Variants in RAE1 observed in about 807,000 individuals in gnomAD.
RAE1 encodes ribonucleic acid export 1.
Under a neutral mutation model 52.7 loss-of-function variants are expected in RAE1, and 13 were observed. The observed-to-expected ratio is 0.25, with a 90% CI of 0.16 to 0.39. RAE1 has a LOEUF of 0.39. Among genes scored for constraint, RAE1 ranks in the 10% least tolerant of loss-of-function variants. The probability of loss-of-function intolerance (pLI) is 1.00; values close to 1 mark genes in which losing one functional copy is unlikely to be tolerated. For synonymous variants in RAE1, 164 were observed against 153.1 expected (o/e 1.07, Z -0.52); for missense variants, 262 against 459.8 (o/e 0.57, Z 3.93).
At chr20:57,369,566 C>T (rs2067005221) in intron 8 of RAE1, among the ~76,000 whole-genome samples, 1 of 152,292 alleles carries the variant, frequency 6.6e-6, no homozygotes, top group Non-Finnish European at 1.5e-5. Flanking sequence ...TGAAATATGT[C>T]AGAGAAGTCT....
In RAE1 at chr20:57,377,236, G is replaced by A. The variant is rs1037409453; in HGVS notation, c.1021-777G>A. On this transcript the variant is annotated intron_variant, in intron 11 of 11. Coordinates refer to ENST00000395841, the MANE Select transcript of RAE1 (RefSeq NM_003610.4). ...GTACAGGTGACAGAGTGCACCCAGC[G>A]CCATGCCCCACCTCCCTCTTCCAGT... Among the ~76,000 whole-genome samples, 38 of 152,274 alleles carry A rather than the reference G, an allele frequency of 2.5e-4. 1 individual carries two copies. The highest frequency in any genetic ancestry group is 2.3e-3 in the Admixed American group (35 of 15,292).
Position 57,356,399 on chromosome 20 carries a change from A to G in RAE1, c.196-47A>G, listed in dbSNP as rs770275068. 6.7e-6 allele frequency: 10 copies of G among 1,487,628 alleles called. No homozygotes were observed. In the Middle Eastern group the frequency reaches 7.0e-4, roughly 104 times the overall value. The allele number at this position is 1,487,628 out of a possible 1,614,324, so 92.2% of individuals were successfully genotyped here. A position where few individuals can be genotyped will look rare whatever the true frequency, so the allele number is the denominator to read the frequency against. Reference sequence around the variant, plus strand: ...AGTTTTTAGGTGTTAAATGCAAGCAATACATCGTAATTGCTTTGTTTGCAT... The same window carrying G: ...AGTTTTTAGGTGTTAAATGCAAGCAGTACATCGTAATTGCTTTGTTTGCAT... On this transcript the variant is annotated intron_variant, in intron 3 of 11. Coordinates refer to ENST00000395841, the MANE Select transcript of RAE1 (RefSeq NM_003610.4).
intron 4 of RAE1, chr20:57,358,880 T>TAGG: frequency 9.1e-7 from 1 of 1,101,172 alleles, no homozygotes; most frequent in Non-Finnish European, 1.2e-6. Context: ...AATGCAGGGA[T>TAGG]AGGAGGCTAG....
rs2067133418 is a variant in RAE1 at position 57,377,532 on chromosome 20, C to T, written c.1021-481C>T. On this transcript the variant is annotated intron_variant, in intron 11 of 11. Transcript: ENST00000395841. ...CCGGGCAGACGTGCACACCTCCGCA[C>T]ACGCCTCTGGCTCACTCACCACCGT... Among the ~76,000 whole-genome samples, 2 of 152,206 alleles carry T rather than the reference C, an allele frequency of 1.3e-5. 1 individual carries two copies. Among genetic ancestry groups the T allele is most frequent in the South Asian group, 4.1e-4 (2 of 4,830 alleles).
intron 4 of RAE1, chr20:57,359,201 C>A: frequency 2.4e-6 from 1 of 423,268 alleles, no homozygotes; most frequent in South Asian, 9.1e-5. Flanking sequence ...TTGCTGAGTT[C>A]CTTTTATTTT....
At chr20:57,352,509 C>G (rs914110365) in intron 1 of RAE1, among the ~76,000 whole-genome samples, 1 of 152,266 alleles carries the variant, frequency 6.6e-6, no homozygotes, top group Middle Eastern at 3.4e-3. Context: ...GATGACTGTG[C>G]CTTCTGAACT....
chr20:57,374,393 T>G (rs2067080990), intron 10 of RAE1, among the ~76,000 whole-genome samples: 1 of 152,200 alleles, frequency 6.6e-6, no homozygotes, highest in African/African-American at 2.4e-5. Flanking sequence ...GCTCACTTTC[T>G]CTGGTGTGCA....
At chr20:57,360,438 G>A (rs565448892) in intron 4 of RAE1, among the ~76,000 whole-genome samples, 18 of 152,292 alleles carry the variant, frequency 1.2e-4, no homozygotes, top group Middle Eastern at 3.4e-3. Flanking sequence ...GAGACGTATC[G>A]GGGTTTATTG....
chr20:57,373,842 T>C lies in RAE1; in HGVS notation c.825+104T>C, dbSNP rs1030662070. 2.4e-4 allele frequency: 282 copies of C among 1,194,926 alleles called. 1 individual carries two copies. The highest frequency in any genetic ancestry group is 1.2e-4 in the Non-Finnish European group (100 of 816,288). 74.0% of individuals were successfully genotyped at this position (1,194,926 alleles called of 1,614,324 possible). ...AAAAGACTCATCACTGAAGAGCTTG[T>C]GTGTTCATGTCCGGAGATAAGTGGC... On this transcript the variant is annotated intron_variant, in intron 10 of 11. Transcript: ENST00000395841.
In RAE1 at chr20:57,367,019, T is replaced by C. The variant is rs2066964052; in HGVS notation, c.474T>C (p.Thr158=). ...SWDKTLKFWD[T]RSSNPMMVLQ... ...TTTTTTGCTTTTAGTTTTGGGATAC[T>C]CGATCGTCAAATCCTATGATGGTTT... Residue 158 remains threonine, a synonymous_variant, in exon 7 of 12, where the codon ACT becomes ACC. Transcript: ENST00000395841. 6.2e-7 allele frequency: 1 copy of C among 1,610,156 alleles called. No homozygotes were observed. Among genetic ancestry groups the C allele is most frequent in the South Asian group, 1.1e-5 (1 of 91,000 alleles).
chr20:57,352,766 G>C (rs2066729731), intron 1 of RAE1, among the ~76,000 whole-genome samples: 1 of 152,156 alleles, frequency 6.6e-6, no homozygotes, highest in Non-Finnish European at 1.5e-5. Context: ...TAGTGTCTCT[G>C]TTTTACAGAT....
Position 57,354,700 on chromosome 20 carries a change from T to G in RAE1, c.91-12T>G, listed in dbSNP as rs2066758723. ...GCGTGCATACATTTTAACATTGACTTTTTTCCCGCAGGATATTGAAGTAAC... is the reference window on the plus strand; with the variant it reads ...GCGTGCATACATTTTAACATTGACTGTTTTCCCGCAGGATATTGAAGTAAC... On this transcript the variant is annotated splice_polypyrimidine_tract_variant and intron_variant, in intron 2 of 11. Transcript: ENST00000395841. 6.4e-7 allele frequency: 1 copy of G among 1,552,912 alleles called. No individual in the cohort carries two copies. Among genetic ancestry groups the G allele is most frequent in the African/African-American group, 1.4e-5 (1 of 71,108 alleles).
chr20:57,368,959 G>A, intron 8 of RAE1, 147 bp downstream of exon 8: 1 of 655,578 alleles, frequency 1.5e-6, no homozygotes, highest in Non-Finnish European at 2.7e-6. Flanking sequence ...CAAATACTTA[G>A]TGAGTGAATA....
intron 8 of RAE1, among the ~76,000 whole-genome samples, chr20:57,369,579 T>C (rs2067005615): frequency 6.6e-6 from 1 of 152,220 alleles, no homozygotes; most frequent in Non-Finnish European, 1.5e-5. Flanking sequence ...AGAAGTCTAT[T>C]TTGGGGCAAA....
At chr20:57,358,953 C>G in intron 4 of RAE1, 1 of 1,444,196 alleles carries the variant, frequency 6.9e-7, no homozygotes, top group Non-Finnish European at 9.1e-7. Context: ...AAGGTTTTCT[C>G]GTCTTATTTG....
At chr20:57,363,344 C>A (rs2066914281) in intron 4 of RAE1, among the ~76,000 whole-genome samples, 1 of 152,122 alleles carries the variant, frequency 6.6e-6, no homozygotes, top group Non-Finnish European at 1.5e-5. Context: ...GAGACCCGGT[C>A]TCTACAAAAA....
intron 9 of RAE1, 39 bp downstream of exon 9, chr20:57,373,620 T>C: frequency 1.2e-6 from 2 of 1,612,938 alleles, no homozygotes; most frequent in Admixed American, 1.7e-5. Flanking sequence ...TTCACTGGAC[T>C]TTTTTTAACA....
At chr20:57,363,212 C>A (rs1180324868) in intron 4 of RAE1, among the ~76,000 whole-genome samples, 4 of 152,154 alleles carry the variant, frequency 2.6e-5, no homozygotes, top group Non-Finnish European at 5.9e-5. Context: ...GTTGTTTAAT[C>A]TTTCTAAATT....
At chr20:57,362,712 C>CAAT (rs2066906713) in intron 4 of RAE1, among the ~76,000 whole-genome samples, 1 of 152,102 alleles carries the variant, frequency 6.6e-6, no homozygotes, top group African/African-American at 2.4e-5. Flanking sequence ...GTGGGAAAAA[C>CAAT]AATACAGAAA....
Sources: allele counts gnomAD v4.1 joint callset (sites outside exome capture counted in the v4.1 genomes callset), GRCh38; gene constraint gnomAD v4.1.1; transcripts MANE v1.5; gene names NCBI Gene and HGNC (gene_info 2026-07-23, HGNC 2026-07-21).